Variants in NSDHL observed in about 807,000 individuals in gnomAD.
The protein encoded by NSDHL is sterol-4-alpha-carboxylate 3-dehydrogenase, decarboxylating.
In NSDHL, 1 loss-of-function variant was observed where a neutral mutation model predicts 23.0. The observed-to-expected ratio is 0.04, with a 90% confidence interval of 0.02 to 0.21. NSDHL has a LOEUF of 0.21. Ranked by LOEUF, NSDHL falls within the 10% of genes least tolerant of loss-of-function variation. The pLI, the probability that NSDHL is intolerant of heterozygous loss-of-function variation, is 1.00. For missense variants in NSDHL, 237 were observed against 300.9 expected (o/e 0.79, Z 1.57); for synonymous variants, 128 against 121.1 (o/e 1.06, Z -0.37).
At chrX:152,862,291 CTA>C (rs1602939921) in intron 4 of NSDHL, among the ~76,000 whole-genome samples, 3 of 112,195 alleles carry the variant, frequency 2.7e-5, no homozygotes, top group African/African-American at 9.7e-5. Flanking sequence ...CAAGTCTATT[CTA>C]TCTCTCAGGT....
chrX:152,835,309 AATTATT>A (rs1192014341), intron 1 of NSDHL, among the ~76,000 whole-genome samples: 1 of 103,881 alleles, frequency 9.6e-6, no homozygotes, highest in South Asian at 4.3e-4. Flanking sequence ...TTTTTTTTTT[AATTATT>A]ATTATACTTT....
chrX:152,850,285 C>A lies in NSDHL; in HGVS notation c.129C>A (p.Ile43=), dbSNP rs782730867. The A allele has an allele frequency of 6.6e-6, 8 of 1,211,386 alleles. No individual in the cohort carries two copies. Among genetic ancestry groups the A allele is most frequent in the Non-Finnish European group, 8.9e-6 (8 of 895,130 alleles). The change falls in exon 3 of 8, where the codon ATC becomes ATA. Residue 43 remains isoleucine (I), a synonymous_variant. Coordinates refer to ENST00000370274, the MANE Select transcript of NSDHL (RefSeq NM_015922.3). ...CACAGGCCAAGAGATGCACAGTGAT[C>A]GGTGGCTCTGGATTCCTGGGGCAGC... is the stretch of plus-strand genomic sequence containing the variant. The part of the protein sequence containing the change: ...NQNQAKRCTV[I]GGSGFLGQHM...
intron 3 of NSDHL, among the ~76,000 whole-genome samples, chrX:152,853,045 C>T (rs781945637): frequency 9.1e-6 from 1 of 109,923 alleles, no homozygotes; most frequent in Non-Finnish European, 1.9e-5. Flanking sequence ...CACAGTGACT[C>T]CATCCCATCT....
chrX:152,844,780 C>T (rs1933246013), intron 1 of NSDHL, among the ~76,000 whole-genome samples: 2 of 112,221 alleles, frequency 1.8e-5, no homozygotes, highest in African/African-American at 6.5e-5. Context: ...GACCCCCGGC[C>T]GATATGTGAG....
intron 5 of NSDHL, among the ~76,000 whole-genome samples, chrX:152,863,393 A>C (rs782479033): frequency 9.0e-6 from 1 of 111,144 alleles, no homozygotes; most frequent in Admixed American, 9.6e-5. Flanking sequence ...CTTACAGCCC[A>C]CCCTCAATGC....
At chrX:152,839,626 T>C (rs368189373) in intron 1 of NSDHL, among the ~76,000 whole-genome samples, 2 of 112,612 alleles carry the variant, frequency 1.8e-5, no homozygotes, top group African/African-American at 3.2e-5. Flanking sequence ...GAATATTGGC[T>C]CCCACTCTCT....
chrX:152,856,634 G>T (rs1786848742), intron 3 of NSDHL, among the ~76,000 whole-genome samples: 1 of 112,097 alleles, frequency 8.9e-6, no homozygotes, highest in African/African-American at 3.3e-5. Context: ...AGCACAAAAT[G>T]AATGGGGACC....
chrX:152,868,554 A>T (rs1933648650), intron 7 of NSDHL, among the ~76,000 whole-genome samples: 1 of 112,794 alleles, frequency 8.9e-6, no homozygotes, highest in Admixed American at 9.3e-5. Context: ...AAATTAACAA[A>T]TGTGCCTTTC....
Position 152,850,794 on chromosome X carries a change from G to T in NSDHL, c.267+371G>T, listed in dbSNP as rs1602932483. ...ATTTTTTAATTGAGATATAATTCAT[G>T]TACCACAAATTTCACATTTTTAAAG... On this transcript the variant is annotated intron_variant, in intron 3 of 7. Transcript: ENST00000370274. Among the ~76,000 whole-genome samples the T allele has an allele frequency of 2.7e-5, 3 of 112,397 alleles. No individual in the cohort carries two copies. In the Admixed American group the frequency reaches 2.8e-4, roughly 11 times the overall value.
intron 1 of NSDHL, among the ~76,000 whole-genome samples, chrX:152,835,416 T>C (rs6627692): frequency 0.057 from 6,240 of 109,170 alleles, 149 homozygotes; most frequent in South Asian, 0.13. Flanking sequence ...ACTCGTCATT[T>C]ACATTAGGTA....
intron 4 of NSDHL, among the ~76,000 whole-genome samples, chrX:152,862,135 T>C (rs1329173090): frequency 8.9e-6 from 1 of 112,303 alleles, no homozygotes; most frequent in Non-Finnish European, 1.9e-5. Context: ...TAAGAGGTCG[T>C]GTGGTGTGTG....
intron 2 of NSDHL, among the ~76,000 whole-genome samples, chrX:152,846,987 A>G (rs1042944863): frequency 8.0e-5 from 9 of 112,331 alleles, no homozygotes; most frequent in African/African-American, 1.9e-4. Flanking sequence ...GCTTTGATTG[A>G]TTCTTAATCA....
intron 3 of NSDHL, among the ~76,000 whole-genome samples, chrX:152,854,195 G>A (rs1556846678): frequency 9.0e-6 from 1 of 111,148 alleles, no homozygotes; most frequent in Non-Finnish European, 1.9e-5. Flanking sequence ...ATGCCATGTT[G>A]TTCTCCAGCC....
chrX:152,850,168 A>G (rs1933333467), intron 2 of NSDHL, 97 bp from the exon 3 acceptor site: 1 of 884,174 alleles, frequency 1.1e-6, no homozygotes, highest in Admixed American at 2.2e-5. Context: ...AAACAAGTAT[A>G]TCTGCCATTG....
chrX:152,864,156 G>T (rs968128376), intron 5 of NSDHL, among the ~76,000 whole-genome samples: 3 of 112,039 alleles, frequency 2.7e-5, no homozygotes, highest in Non-Finnish European at 5.6e-5. Context: ...TGATCTGCCC[G>T]CCTTGGCCTC....
At chrX:152,838,815 T>C (rs6627269) in intron 1 of NSDHL, among the ~76,000 whole-genome samples, 11,559 of 111,200 alleles carry the variant, frequency 0.1, 634 homozygotes, top group African/African-American at 0.21. Flanking sequence ...CTATTAGGTC[T>C]GCTTGGTGCA....
chrX:152,836,011 G>T (rs1337941311), intron 1 of NSDHL, among the ~76,000 whole-genome samples: 5 of 112,163 alleles, frequency 4.5e-5, no homozygotes, highest in Non-Finnish European at 9.4e-5. Flanking sequence ...GTGTGAGATG[G>T]TATCTCATTG....
At chrX:152,839,427 T>C (rs1353621045) in intron 1 of NSDHL, among the ~76,000 whole-genome samples, 3 of 112,450 alleles carry the variant, frequency 2.7e-5, no homozygotes, top group African/African-American at 9.7e-5. Context: ...GTTTTTGCAG[T>C]GGCTGGTACC....
intron 1 of NSDHL, among the ~76,000 whole-genome samples, chrX:152,832,933 A>G (rs1159458521): frequency 2.7e-5 from 3 of 111,623 alleles, no homozygotes; most frequent in Non-Finnish European, 5.6e-5. Context: ...GTCCATTTAC[A>G]GGCAGATTTT....
Sources: gnomAD v4.1 joint callset for allele counts (sites outside exome capture counted in the v4.1 genomes callset) on GRCh38, gnomAD v4.1.1 for gene constraint, MANE v1.5 for transcripts, NCBI Gene and HGNC (gene_info 2026-07-23, HGNC 2026-07-21) for gene names.